The following ANKRD26 variants were observed in gnomAD, a reference collection of about 807,000 sequenced individuals.
ANKRD26 encodes ankyrin repeat domain 26.
ANKRD26 carries 141 observed loss-of-function variants against 208.7 expected under a neutral mutation model. The observed-to-expected ratio is 0.68, with a 90% confidence interval of 0.59 to 0.78. ANKRD26 has a LOEUF of 0.78. Among genes scored for constraint, ANKRD26 ranks in the 30% least tolerant of loss-of-function variants. ANKRD26 has a pLI of 0.00. For missense variants in ANKRD26, 1,889 were observed against 1,938.7 expected (o/e 0.97, Z 0.48); for synonymous variants, 636 against 660.4 (o/e 0.96, Z 0.57).
chr10:26,965,528 C>T, the ANKRD26 span, among the ~76,000 whole-genome samples: 2 of 152,082 alleles, frequency 1.3e-5, no homozygotes, highest in Admixed American at 6.5e-5. Context: ...CCATGGAAAC[C>T]CTAGAAGAAA....
rs1564353881 is a variant in ANKRD26, at chr10:27,012,944, A to C, written c.4891T>G (p.Leu1631Val). The change falls in exon 32 of 34, where the codon TTA becomes GTA. Residue 1631 changes from leucine to valine, a missense_variant. Coordinates refer to ENST00000376087, the MANE Select transcript of ANKRD26 (RefSeq NM_014915.3). The part of the protein sequence containing the change: ...LNRKLIPREN[L>V]VISTSNPRAS... Reference sequence around the variant, plus strand: ...CGTGGATTTGAGGTAGAGATCACTAAGTTTTCTCTTGGAATAAGTTTTCTG... The same window carrying C: ...CGTGGATTTGAGGTAGAGATCACTACGTTTTCTCTTGGAATAAGTTTTCTG... 1 of 1,614,126 alleles carries C rather than the reference A, an allele frequency of 6.2e-7. No individual in the cohort carries two copies. The highest frequency in any genetic ancestry group is 1.1e-5 in the South Asian group (1 of 91,082).
chr10:27,009,068 T>C lies in ANKRD26; in HGVS notation c.4954-2106A>G, dbSNP rs148273933. On this transcript the variant is annotated intron_variant, in intron 32 of 33. Coordinates refer to ENST00000376087, the MANE Select transcript of ANKRD26 (RefSeq NM_014915.3). ...ATTGGACAGGCTGGTCTCAAACTCC[T>C]GACCTCGTGATCCGCCCACCTGGGC... Among the ~76,000 whole-genome samples, 980 of 152,332 alleles carry C rather than the reference T, an allele frequency of 6.4e-3. 40 individuals are homozygous for C. In the East Asian group the frequency reaches 0.11, roughly 18 times the overall value.
At chr10:26,968,457 T>C in the ANKRD26 span, among the ~76,000 whole-genome samples, 4 of 152,352 alleles carry the variant, frequency 2.6e-5, no homozygotes, top group Admixed American at 2.0e-4. Flanking sequence ...TTGTCACTCA[T>C]ATAAAAATCA....
At chr10:26,967,842 T>C in the ANKRD26 span, among the ~76,000 whole-genome samples, 2 of 152,188 alleles carry the variant, frequency 1.3e-5, no homozygotes, top group Non-Finnish European at 1.5e-5. Context: ...ATTGGGCCTT[T>C]ATAAATTTCT....
At chr10:27,030,572 C>A in intron 25 of ANKRD26, 1 of 985,284 alleles carries the variant, frequency 1.0e-6, no homozygotes, top group Non-Finnish European at 1.2e-6. Context: ...GGTGGGAAAG[C>A]GGTATGAATC....
At chr10:27,051,188 A>T (rs1352295454) in intron 16 of ANKRD26, 2 of 1,289,804 alleles carry the variant, frequency 1.6e-6, no homozygotes, top group Non-Finnish European at 2.0e-6. Context: ...ATGTTCTGTC[A>T]CCACGTGGTG....
At chr10:27,017,173 T>A (rs191057830) in intron 30 of ANKRD26, among the ~76,000 whole-genome samples, 23 of 152,370 alleles carry the variant, frequency 1.5e-4, no homozygotes, top group Admixed American at 6.5e-4. Context: ...TTAAAAATTT[T>A]AAAAAGTGAG....
At chr10:27,063,882 T>C (rs2055151160) in intron 12 of ANKRD26, 106 bp downstream of exon 12, 1 of 893,986 alleles carries the variant, frequency 1.1e-6, no homozygotes, top group Non-Finnish European at 1.8e-6. Flanking sequence ...ATTCTTACTA[T>C]GCATTTAATA....
At chr10:26,953,979 T>C in the ANKRD26 span, among the ~76,000 whole-genome samples, 105 of 152,326 alleles carry the variant, frequency 6.9e-4, no homozygotes, top group African/African-American at 2.4e-3. Flanking sequence ...GAGTCAATCA[T>C]ATAATCTAGT....
intron 30 of ANKRD26, among the ~76,000 whole-genome samples, chr10:27,015,615 G>C (rs1462070795): frequency 1.3e-5 from 2 of 152,184 alleles, no homozygotes; most frequent in Non-Finnish European, 1.5e-5. Flanking sequence ...CCTTGGCCTT[G>C]TAGATTGTGT....
At chr10:27,071,473 C>T (rs893420470) in intron 9 of ANKRD26, among the ~76,000 whole-genome samples, 7 of 151,894 alleles carry the variant, frequency 4.6e-5, no homozygotes, top group South Asian at 2.1e-4. Context: ...CACACCCGGC[C>T]GGGACTACAT....
intron 6 of ANKRD26, 61 bp downstream of exon 6, chr10:27,082,738 GCACT>G: frequency 2.0e-6 from 3 of 1,523,756 alleles, no homozygotes; most frequent in South Asian, 2.5e-5. Flanking sequence ...CCAGAGTAGG[GCACT>G]CAACAGTTTC....
chr10:27,003,450 A>G (rs1351789377), downstream of ANKRD26, among the ~76,000 whole-genome samples: 1 of 152,226 alleles, frequency 6.6e-6, no homozygotes, highest in East Asian at 1.9e-4. Flanking sequence ...ACAAATCACC[A>G]ATGAAATGCT....
intron 32 of ANKRD26, among the ~76,000 whole-genome samples, chr10:27,009,821 G>T (rs915700255): frequency 1.1e-4 from 17 of 152,114 alleles, no homozygotes; most frequent in African/African-American, 4.1e-4. Flanking sequence ...GCTTCAGGTG[G>T]CGGAGGCAGC....
intron 25 of ANKRD26, among the ~76,000 whole-genome samples, chr10:27,032,228 G>A (rs2053887056): frequency 6.6e-6 from 1 of 152,184 alleles, no homozygotes; most frequent in South Asian, 2.1e-4. Context: ...GATGGGTGCG[G>A]TGGCTCACAT....
At chr10:27,015,691 T>C (rs2053265980) in intron 30 of ANKRD26, among the ~76,000 whole-genome samples, 1 of 152,026 alleles carries the variant, frequency 6.6e-6, no homozygotes, top group African/African-American at 2.4e-5. Flanking sequence ...AGTGAAGACT[T>C]TCTACTCTCA....
chr10:27,060,334 G>A lies in ANKRD26; in HGVS notation c.1564+11C>T. 6.3e-7 allele frequency: 1 copy of A among 1,579,112 alleles called. No homozygotes were observed. Among genetic ancestry groups the A allele is most frequent in the Non-Finnish European group, 8.7e-7 (1 of 1,148,646 alleles). On this transcript the variant is annotated intron_variant, in intron 15 of 33. Coordinates refer to ENST00000376087, the MANE Select transcript of ANKRD26 (RefSeq NM_014915.3). ...TTCCTTCCAAGATTAAATATATATT[G>A]CAACATTTACCTGCTTTGGATGTTT...
At chr10:26,964,058 C>T in the ANKRD26 span, among the ~76,000 whole-genome samples, 6 of 150,938 alleles carry the variant, frequency 4.0e-5, no homozygotes, top group African/African-American at 1.2e-4. Context: ...GGATTACAGG[C>T]GCACCACCAC....
chr10:26,962,738 A>G, the ANKRD26 span, among the ~76,000 whole-genome samples: 1 of 152,114 alleles, frequency 6.6e-6, no homozygotes, highest in East Asian at 1.9e-4. Context: ...ACAGAGCAAA[A>G]TCCTGTCTCT....
Sources: gnomAD v4.1 joint callset for allele counts (sites outside exome capture counted in the v4.1 genomes callset) on GRCh38, gnomAD v4.1.1 for gene constraint, MANE v1.5 for transcripts, NCBI Gene and HGNC (gene_info 2026-07-23, HGNC 2026-07-21) for gene names.